The following TMA16 variants were observed in gnomAD, a reference collection of about 807,000 sequenced individuals.
The protein encoded by TMA16 is translation machinery associated 16 homolog.
Under a neutral mutation model 27.1 loss-of-function variants are expected in TMA16, and 26 were observed. That is an observed-to-expected ratio of 0.96 (90% CI 0.70 to 1.33). The LOEUF (loss-of-function observed/expected upper bound fraction) is 1.33. TMA16 is among the 40% of genes most tolerant of loss of function. The pLI, the probability that TMA16 is intolerant of heterozygous loss-of-function variation, is 0.00. For missense variants in TMA16, 233 were observed against 241.4 expected (o/e 0.97, Z 0.23); for synonymous variants, 71 against 81.9 (o/e 0.87, Z 0.72).
chr4:163,519,562 T>G lies in TMA16; in HGVS notation c.*48T>G, dbSNP rs1431585964. The G allele has an allele frequency of 2.0e-6, 3 of 1,471,242 alleles. No individual in the cohort carries two copies. Among genetic ancestry groups the G allele is most frequent in the Admixed American group, 3.1e-5 (1 of 32,600 alleles). 91.1% of individuals were successfully genotyped at this position (1,471,242 alleles called of 1,614,324 possible). On this transcript the variant is annotated 3_prime_UTR_variant, in exon 7 of 7. Transcript: ENST00000358572. ...TAAATAATTTGAGAGCTTCAAATTA[T>G]ATTCATTGATTATGGTACCTAATTG... is the stretch of plus-strand genomic sequence containing the variant.
intron 1 of TMA16, among the ~76,000 whole-genome samples, chr4:163,503,067 T>C (rs1737670955): frequency 6.6e-6 from 1 of 152,194 alleles, no homozygotes; most frequent in South Asian, 2.1e-4. Flanking sequence ...TACAGTAACG[T>C]CCTGGACAGG....
intron 2 of TMA16, among the ~76,000 whole-genome samples, chr4:163,510,246 T>C (rs1436718416): frequency 6.6e-6 from 1 of 152,206 alleles, no homozygotes; most frequent in Non-Finnish European, 1.5e-5. Context: ...GTATAATTAA[T>C]ATATAATAAA....
At chr4:163,496,392 T>C (rs528140680) in intron 1 of TMA16, among the ~76,000 whole-genome samples, 1 of 152,338 alleles carries the variant, frequency 6.6e-6, no homozygotes, top group South Asian at 2.1e-4. Flanking sequence ...GTTATATAAA[T>C]AGTAACAGTG....
At position 163,519,713 on chromosome 4, in the gene TMA16, A is replaced by G; in HGVS notation, c.*199A>G. On this transcript the variant is annotated 3_prime_UTR_variant, in exon 7 of 7. Coordinates refer to ENST00000358572, the MANE Select transcript of TMA16 (RefSeq NM_018352.3). ...CTTTTCATTTCCATTAAGTTGCTAAAATAGATAGATGTGATCTGCAGAAGT... is the reference window on the plus strand; with the variant it reads ...CTTTTCATTTCCATTAAGTTGCTAAGATAGATAGATGTGATCTGCAGAAGT... 1 of 580,046 alleles carries G rather than the reference A, an allele frequency of 1.7e-6. No individual in the cohort carries two copies. Among genetic ancestry groups the G allele is most frequent in the Non-Finnish European group, 2.9e-6 (1 of 344,206 alleles). The allele number at this position is 580,046 out of a possible 1,614,324, so 35.9% of individuals were successfully genotyped here.
chr4:163,517,203 A>G (rs1187837773), intron 5 of TMA16: 6 of 502,514 alleles, frequency 1.2e-5, no homozygotes, highest in Middle Eastern at 5.6e-4. Flanking sequence ...CGCCTGGCCT[A>G]ATAGCTTTGT....
intron 1 of TMA16, among the ~76,000 whole-genome samples, chr4:163,497,510 A>C (rs1737575369): frequency 6.6e-6 from 1 of 152,196 alleles, no homozygotes; most frequent in African/African-American, 2.4e-5. Flanking sequence ...AGATAAAATT[A>C]AGGTGTTTGT....
intron 6 of TMA16, 130 bp downstream of exon 6, chr4:163,517,606 C>T: frequency 1.3e-6 from 1 of 778,308 alleles, no homozygotes; most frequent in Non-Finnish European, 2.0e-6. Context: ...TCTTTTTTAT[C>T]TGACCAAGTA....
rs770797002 is a variant in TMA16, at chr4:163,517,425, C to G, written c.389-9C>G. ...TTGCCTCATGGAGATAAATTACTTT[C>G]TTTTCCAGAGATTCCAGACATTCTA... On this transcript the variant is annotated splice_polypyrimidine_tract_variant and intron_variant, in intron 5 of 6. Transcript: ENST00000358572. 109 of 1,610,672 alleles carry G rather than the reference C, an allele frequency of 6.8e-5. No homozygotes were observed. The highest frequency in any genetic ancestry group is 8.9e-5 in the Non-Finnish European group (105 of 1,177,940).
chr4:163,498,917 C>G (rs987095995), intron 1 of TMA16, among the ~76,000 whole-genome samples: 1 of 152,138 alleles, frequency 6.6e-6, no homozygotes, highest in African/African-American at 2.4e-5. Flanking sequence ...TTTTGCCTCT[C>G]AAAAGTGTTG....
chr4:163,519,602 T>A lies in TMA16; in HGVS notation c.*88T>A. ...GTACCTAATTGTCATGATACAAAAA[T>A]TTGATACTGACATTCTCTTATATGA... On this transcript the variant is annotated 3_prime_UTR_variant, in exon 7 of 7. Transcript: ENST00000358572. 7.9e-7 allele frequency: 1 copy of A among 1,261,954 alleles called. No individual in the cohort carries two copies. The highest frequency in any genetic ancestry group is 1.6e-5 in the South Asian group (1 of 63,522). The allele number at this position is 1,261,954 out of a possible 1,614,324, so 78.2% of individuals were successfully genotyped here.
intron 5 of TMA16, 61 bp from the exon 6 acceptor site, chr4:163,517,373 A>G: frequency 2.1e-6 from 3 of 1,418,992 alleles, no homozygotes; most frequent in Non-Finnish European, 3.0e-6. Context: ...TATTTGTTGT[A>G]CATAAAATTA....
In TMA16 at chr4:163,514,140, C is replaced by G; in HGVS notation, c.221C>G (p.Ala74Gly). Reference sequence around the variant, plus strand: ...AAAAAGAGATATTCAAAGAAAGATGCTTGTGAACTAATTGAAAGGTAAACA... The same window carrying G: ...AAAAAGAGATATTCAAAGAAAGATGGTTGTGAACTAATTGAAAGGTAAACA... The part of the protein sequence containing the change: ...PQKKRYSKKD[A>G]CELIERYLNR... Residue 74 changes from alanine (A) to glycine (G), a missense_variant, in exon 4 of 7, where the codon GCT (alanine) becomes GGT (glycine). Physicochemically the swap from Ala to Gly is moderately conservative, Grantham distance 60 (BLOSUM62 0). Transcript: ENST00000358572. 2.5e-6 allele frequency: 4 copies of G among 1,606,734 alleles called. No individual in the cohort carries two copies. In the South Asian group the frequency reaches 4.4e-5, roughly 18 times the overall value.
chr4:163,502,880 T>C (rs1356372363), intron 1 of TMA16, among the ~76,000 whole-genome samples: 1 of 152,166 alleles, frequency 6.6e-6, no homozygotes, highest in African/African-American at 2.4e-5. Flanking sequence ...GGTACATCAT[T>C]TACTGTAATT....
chr4:163,501,313 C>T (rs1203338048), intron 1 of TMA16, among the ~76,000 whole-genome samples: 6 of 152,276 alleles, frequency 3.9e-5, no homozygotes, highest in South Asian at 2.1e-4. Flanking sequence ...GTTTAAACCA[C>T]GCTACTTCTT....
chr4:163,516,609 CTCT>C (rs1193598202), intron 5 of TMA16, among the ~76,000 whole-genome samples: 6 of 152,038 alleles, frequency 3.9e-5, no homozygotes, highest in Non-Finnish European at 7.4e-5. Flanking sequence ...TTGTTCATGC[CTCT>C]TGTATTTCAC....
chr4:163,503,621 G>A (rs780730065), intron 1 of TMA16, among the ~76,000 whole-genome samples: 1 of 152,174 alleles, frequency 6.6e-6, no homozygotes, highest in Non-Finnish European at 1.5e-5. Context: ...CTTTCAGACT[G>A]AATTTTTTGA....
rs200941033 is a variant in TMA16, at chr4:163,515,356, C to T, written c.283C>T (p.His95Tyr). 1,021 of 1,613,416 alleles carry T rather than the reference C, an allele frequency of 6.3e-4. No homozygotes were observed. Among genetic ancestry groups the T allele is most frequent in the Non-Finnish European group, 8.4e-4 (995 of 1,179,864 alleles). Residue 95 changes from histidine (H) to tyrosine (Y), a missense_variant, in exon 5 of 7, where the codon CAT (histidine) becomes TAT (tyrosine). By Grantham distance (83) the His-to-Tyr change is moderately conservative (BLOSUM62 2). Transcript: ENST00000358572. ...FSSELEQIEL[H>Y]NSIRDRQGRR... ...CAGTGAGCTGGAGCAGATTGAGTTA[C>T]ATAACAGTATCAGGGACAGGCAGGG... is the stretch of plus-strand genomic sequence containing the variant.
At chr4:163,500,745 C>T (rs1303295317) in intron 1 of TMA16, among the ~76,000 whole-genome samples, 1 of 152,112 alleles carries the variant, frequency 6.6e-6, no homozygotes. Flanking sequence ...ATCTGTTTCT[C>T]CCAGGAGCAA....
intron 1 of TMA16, among the ~76,000 whole-genome samples, chr4:163,495,223 C>G (rs1300823601): frequency 1.3e-5 from 2 of 152,282 alleles, no homozygotes; most frequent in South Asian, 2.1e-4. Context: ...CCTCGGCGTC[C>G]GTTCACCTCT....
Sources: allele counts gnomAD v4.1 joint callset (sites outside exome capture counted in the v4.1 genomes callset), GRCh38; gene constraint gnomAD v4.1.1; transcripts MANE v1.5; gene names NCBI Gene and HGNC (gene_info 2026-07-23, HGNC 2026-07-21).